The following FBXO45 variants were observed in gnomAD, a reference collection of about 807,000 sequenced individuals.
The protein encoded by FBXO45 is F-box/SPRY domain-containing protein 1.
A neutral mutation model predicts 25.5 loss-of-function variants in FBXO45; 3 were observed. The ratio of observed to expected loss-of-function variants is 0.12; its 90% CI spans 0.05 to 0.30. FBXO45 has a LOEUF of 0.30. Ranked by LOEUF, FBXO45 falls within the 10% of genes least tolerant of loss-of-function variation. The pLI is 1.00. For missense variants in FBXO45, 219 were observed against 365.0 expected (o/e 0.60, Z 3.26); for synonymous variants, 155 against 149.8 (o/e 1.03, Z -0.25).
rs1466952292 is a variant in FBXO45 at position 196,573,570 on chromosome 3, A to C, written c.319-3883A>C. Among the ~76,000 whole-genome samples, 3 of 152,236 alleles carry C rather than the reference A, an allele frequency of 2.0e-5. No individual in the cohort carries two copies. The East Asian group carries it at 5.8e-4, about 29-fold the overall frequency. ...AAGGGGATGGCTGGAGAGCTGTCGT[A>C]GAAAACAATATACATAGGTAGACAG... On this transcript the variant is annotated intron_variant, in intron 1 of 2. Transcript: ENST00000311630.
chr3:196,572,390 G>A (rs891956226), intron 1 of FBXO45, among the ~76,000 whole-genome samples: 7 of 152,212 alleles, frequency 4.6e-5, no homozygotes, highest in African/African-American at 1.7e-4. Context: ...CTAGTGCTCT[G>A]ATTGTCAGTA....
chr3:196,581,223 CTT>C (rs33962634), intron 2 of FBXO45, among the ~76,000 whole-genome samples: 1,969 of 63,140 alleles, frequency 0.031, 1 homozygote, highest in African/African-American at 0.13. Flanking sequence ...TTTCTTTTTC[CTT>C]TTTTTTTTTT....
At chr3:196,575,717 C>A (rs1735901686) in intron 1 of FBXO45, among the ~76,000 whole-genome samples, 1 of 150,134 alleles carries the variant, frequency 6.7e-6, no homozygotes. Flanking sequence ...CACTTTGTCA[C>A]CCAGGCTGGA....
intron 1 of FBXO45, among the ~76,000 whole-genome samples, chr3:196,574,896 GA>G (rs900376517): frequency 6.6e-6 from 1 of 152,192 alleles, no homozygotes; most frequent in African/African-American, 2.4e-5. Flanking sequence ...AGGGAAATAG[GA>G]AGAATCAGAT....
intron 1 of FBXO45, among the ~76,000 whole-genome samples, chr3:196,577,023 C>G (rs923446408): frequency 1.3e-5 from 2 of 152,174 alleles, no homozygotes; most frequent in African/African-American, 4.8e-5. Context: ...TACCCATCAC[C>G]AAGCTTTGCC....
chr3:196,576,286 T>A (rs572093675), intron 1 of FBXO45, among the ~76,000 whole-genome samples: 1 of 152,318 alleles, frequency 6.6e-6, no homozygotes, highest in East Asian at 1.9e-4. Context: ...ATGCTGACAT[T>A]CTATGCCTCT....
intron 2 of FBXO45, among the ~76,000 whole-genome samples, chr3:196,581,223 CTTTTTTTTTTTTTT>C (rs33962634): frequency 2.5e-4 from 16 of 63,676 alleles, no homozygotes; most frequent in South Asian, 6.4e-4. Context: ...TTTCTTTTTC[CTTTTTTTTTTTTTT>C]TTTTTTTTTT....
chr3:196,575,137 G>A (rs1735890462), intron 1 of FBXO45, among the ~76,000 whole-genome samples: 1 of 152,206 alleles, frequency 6.6e-6, no homozygotes, highest in Non-Finnish European at 1.5e-5. Context: ...TCAGTTCAGG[G>A]AAATAGGAAG....
At chr3:196,581,431 A>G (rs558389855) in intron 2 of FBXO45, among the ~76,000 whole-genome samples, 5,127 of 151,334 alleles carry the variant, frequency 0.034, 135 homozygotes, top group Non-Finnish European at 0.049. Context: ...AGGTTTCACC[A>G]TGTTGGCCAG....
intron 2 of FBXO45, among the ~76,000 whole-genome samples, chr3:196,580,796 G>A (rs1046237638): frequency 2.0e-5 from 3 of 150,006 alleles, no homozygotes; most frequent in African/African-American, 7.3e-5. Context: ...TTTTGAGATA[G>A]GGTCTCGCTC....
In FBXO45 at chr3:196,576,786, T is replaced by C. The variant is rs117067821; in HGVS notation, c.319-667T>C. On this transcript the variant is annotated intron_variant, in intron 1 of 2. Coordinates refer to ENST00000311630, the MANE Select transcript of FBXO45 (RefSeq NM_001105573.2). ...TAAAATGAGATTGGTGATTTTTTTA[T>C]TGTGTAAGTCATATCCAGCAAGTAG... 9.3e-3 allele frequency among the ~76,000 whole-genome samples: 1,423 copies of C among 152,324 alleles called. 56 individuals carry two copies. The highest frequency in any genetic ancestry group is 0.062 in the South Asian group (297 of 4,824).
Position 196,577,764 on chromosome 3 carries a change from A to G in FBXO45, c.630A>G (p.Glu210=), listed in dbSNP as rs2108727545. ...ACAATAATCTACTACATAATGGAGA[A>G]GTCAATGGCAGTTTTCCACAGTGCA... ...LVDNNLLHNG[E]VNGSFPQCNN... is the part of the protein sequence containing the mutation. Residue 210 remains glutamate, a synonymous_variant, in exon 2 of 3, where the codon GAA becomes GAG. Transcript: ENST00000311630. 1 of 1,612,482 alleles carries G rather than the reference A, an allele frequency of 6.2e-7. No homozygotes were observed. The highest frequency in any genetic ancestry group is 8.5e-7 in the Non-Finnish European group (1 of 1,178,554).
intron 1 of FBXO45, among the ~76,000 whole-genome samples, chr3:196,571,231 T>A (rs1373389266): frequency 6.7e-6 from 1 of 148,456 alleles, no homozygotes; most frequent in Non-Finnish European, 1.5e-5. Context: ...GTTTTTGTTG[T>A]TGTTTTTGAG....
chr3:196,583,027 C>T (rs560634523), intron 2 of FBXO45, among the ~76,000 whole-genome samples: 6 of 152,260 alleles, frequency 3.9e-5, no homozygotes, highest in Admixed American at 1.3e-4. Flanking sequence ...CTATTTCCTT[C>T]ACTCCCCACC....
intron 1 of FBXO45, among the ~76,000 whole-genome samples, chr3:196,570,144 A>T (rs533481297): frequency 6.6e-6 from 1 of 152,066 alleles, no homozygotes; most frequent in East Asian, 1.9e-4. Flanking sequence ...AGTTGAGTTG[A>T]ATGGTTAACA....
At chr3:196,570,620 T>C (rs116598392) in intron 1 of FBXO45, among the ~76,000 whole-genome samples, 1,598 of 152,278 alleles carry the variant, frequency 0.01, 24 homozygotes, top group African/African-American at 0.036. Flanking sequence ...GTAAAATTTA[T>C]ACTTATGTAG....
intron 2 of FBXO45, among the ~76,000 whole-genome samples, chr3:196,580,014 G>A (rs1475640273): frequency 2.0e-5 from 3 of 150,970 alleles, no homozygotes; most frequent in East Asian, 1.9e-4. Context: ...TTTTTGAGAC[G>A]GAGTTTTACT....
chr3:196,580,306 G>A (rs568553482), intron 2 of FBXO45, among the ~76,000 whole-genome samples: 2 of 151,276 alleles, frequency 1.3e-5, no homozygotes, highest in East Asian at 2.0e-4. Context: ...CCCGGGTCCC[G>A]GTTCAAGCAG....
intron 2 of FBXO45, among the ~76,000 whole-genome samples, chr3:196,578,022 A>T (rs1166026547): frequency 5.0e-4 from 45 of 89,666 alleles, no homozygotes; most frequent in East Asian, 1.0e-3. Flanking sequence ...TTATATTTTG[A>T]TTTTGGCTAT....
Sources: allele counts gnomAD v4.1 joint callset (sites outside exome capture counted in the v4.1 genomes callset), GRCh38; gene constraint gnomAD v4.1.1; transcripts MANE v1.5; gene names NCBI Gene and HGNC (gene_info 2026-07-23, HGNC 2026-07-21).